ARHGEF28: variants seen among roughly 807,000 people sequenced by gnomAD.
ARHGEF28 encodes the protein 190 kDa guanine nucleotide exchange factor.
Under a neutral mutation model 206.6 loss-of-function variants are expected in ARHGEF28, and 152 were observed. The observed-to-expected ratio is 0.74, with a 90% CI of 0.64 to 0.84. ARHGEF28 has a LOEUF of 0.84. Among genes scored for constraint, ARHGEF28 ranks in the 40% least tolerant of loss-of-function variants. ARHGEF28 has a pLI of 0.00. For missense variants in ARHGEF28, 2,028 were observed against 2,073.2 expected (o/e 0.98, Z 0.42); for synonymous variants, 763 against 776.4 (o/e 0.98, Z 0.29).
chr5:73,654,569 G>A (rs1407535095), intron 1 of ARHGEF28, among the ~76,000 whole-genome samples: 2 of 152,194 alleles, frequency 1.3e-5, no homozygotes, highest in African/African-American at 4.8e-5. Flanking sequence ...CAGTAAACAC[G>A]GAACCAGAAA....
chr5:73,741,341 A>ATGTGTGTG (rs369851573), intron 2 of ARHGEF28, among the ~76,000 whole-genome samples: 34 of 66,162 alleles, frequency 5.1e-4, no homozygotes, highest in African/African-American at 1.4e-3. Context: ...TTAAATTTAT[A>ATGTGTGTG]TGTGTGTGTG....
intron 1 of ARHGEF28, among the ~76,000 whole-genome samples, chr5:73,676,261 G>A (rs78901747): frequency 6.8e-6 from 1 of 147,490 alleles, no homozygotes. Context: ...TTTAGGCAGA[G>A]TTTTGCTCTT....
intron 10 of ARHGEF28, among the ~76,000 whole-genome samples, chr5:73,833,355 CTT>C (rs33977905): frequency 1.8e-4 from 27 of 150,948 alleles, no homozygotes; most frequent in East Asian, 7.8e-4. Flanking sequence ...GTGATCTAAA[CTT>C]TTTTTTTTTC....
intron 2 of ARHGEF28, among the ~76,000 whole-genome samples, chr5:73,730,886 C>A (rs1241471577): frequency 6.6e-6 from 1 of 151,586 alleles, no homozygotes; most frequent in Non-Finnish European, 1.5e-5. Flanking sequence ...TGTGTTGAGT[C>A]TTTAATTAAA....
intron 16 of ARHGEF28, among the ~76,000 whole-genome samples, chr5:73,859,697 G>A (rs1457589287): frequency 6.6e-6 from 1 of 152,128 alleles, no homozygotes; most frequent in African/African-American, 2.4e-5. Context: ...TCGTTTATGG[G>A]TTGTTTCTGG....
At chr5:73,882,798 T>A (rs1251830247) in intron 23 of ARHGEF28, among the ~76,000 whole-genome samples, 1 of 152,178 alleles carries the variant, frequency 6.6e-6, no homozygotes, top group Non-Finnish European at 1.5e-5. Context: ...TCCTTTTGTA[T>A]ATTTGTGAGG....
intron 29 of ARHGEF28, 124 bp downstream of exon 29, chr5:73,894,699 C>T (rs773312862): frequency 9.7e-5 from 113 of 1,159,730 alleles, no homozygotes; most frequent in Admixed American, 5.6e-4. Flanking sequence ...GGTCCTTACT[C>T]GGCTGGAACT....
intron 2 of ARHGEF28, among the ~76,000 whole-genome samples, chr5:73,719,662 A>G (rs1749809584): frequency 1.3e-5 from 2 of 152,254 alleles, no homozygotes; most frequent in Admixed American, 6.5e-5. Context: ...ATGAGAAAGA[A>G]AAAAAGATGC....
intron 2 of ARHGEF28, among the ~76,000 whole-genome samples, chr5:73,687,008 T>C (rs1349466839): frequency 6.6e-6 from 1 of 152,212 alleles, no homozygotes; most frequent in Non-Finnish European, 1.5e-5. Flanking sequence ...AAAATTGAGA[T>C]GCTCTTACAT....
At chr5:73,807,651 A>AT (rs1453146033) in intron 9 of ARHGEF28, among the ~76,000 whole-genome samples, 1 of 151,596 alleles carries the variant, frequency 6.6e-6, no homozygotes, top group African/African-American at 2.4e-5. Flanking sequence ...TGCCCAGCTA[A>AT]TTTTTTGTAT....
intron 2 of ARHGEF28, among the ~76,000 whole-genome samples, chr5:73,735,814 C>A (rs973900856): frequency 5.3e-5 from 8 of 152,174 alleles, no homozygotes; most frequent in Non-Finnish European, 1.0e-4. Context: ...CACAGCCTGG[C>A]GATAATAAAC....
Position 73,766,791 on chromosome 5 carries a change from A to T in ARHGEF28, c.476-7064A>T, listed in dbSNP as rs368345333. 4.1e-4 allele frequency among the ~76,000 whole-genome samples: 62 copies of T among 152,390 alleles called. 1 individual carries two copies. In the East Asian group the frequency reaches 9.6e-3, roughly 24 times the overall value. On this transcript the variant is annotated intron_variant, in intron 4 of 35. Coordinates refer to ENST00000513042, the MANE Select transcript of ARHGEF28 (RefSeq NM_001177693.2). The stretch of plus-strand genomic sequence containing the variant: ...CACCATTTTTGGAAAACACAGCAGC[A>T]TTATCTAATACATTTAGAGAAACTA...
At chr5:73,713,040 G>A (rs1749346193) in intron 2 of ARHGEF28, among the ~76,000 whole-genome samples, 1 of 151,906 alleles carries the variant, frequency 6.6e-6, no homozygotes, top group African/African-American at 2.4e-5. Flanking sequence ...TTGCAGATGG[G>A]GTAAATTCAC....
chr5:73,811,980 CAAAAA>C (rs11337063), intron 9 of ARHGEF28, among the ~76,000 whole-genome samples: 3 of 114,496 alleles, frequency 2.6e-5, no homozygotes, highest in Non-Finnish European at 5.5e-5. Context: ...GAGCCTGTCT[CAAAAA>C]AAAAAAAAAA....
chr5:73,830,289 C>T (rs1162592977), intron 9 of ARHGEF28, among the ~76,000 whole-genome samples: 2 of 152,128 alleles, frequency 1.3e-5, no homozygotes, highest in African/African-American at 2.4e-5. Context: ...CGTGGTGGCT[C>T]ATGCCTGTAA....
At chr5:73,810,683 C>T (rs1171514509) in intron 9 of ARHGEF28, among the ~76,000 whole-genome samples, 1 of 152,158 alleles carries the variant, frequency 6.6e-6, no homozygotes, top group Non-Finnish European at 1.5e-5. Context: ...ATTGATTCAA[C>T]ACATCTGGGA....
At chr5:73,652,561 G>T (rs192990182) in intron 1 of ARHGEF28, among the ~76,000 whole-genome samples, 1 of 152,330 alleles carries the variant, frequency 6.6e-6, no homozygotes, top group African/African-American at 2.4e-5. Context: ...CCAAACAGTT[G>T]AGAAGCATAA....
intron 9 of ARHGEF28, among the ~76,000 whole-genome samples, chr5:73,802,143 G>A (rs978110425): frequency 1.3e-5 from 2 of 152,180 alleles, no homozygotes; most frequent in Non-Finnish European, 2.9e-5. Context: ...CAGATCTGTG[G>A]GAAATAGGCA....
intron 9 of ARHGEF28, among the ~76,000 whole-genome samples, chr5:73,809,457 T>G (rs960135116): frequency 1.3e-5 from 2 of 152,168 alleles, no homozygotes; most frequent in African/African-American, 4.8e-5. Flanking sequence ...GACGGAGCCA[T>G]TATTTGAACC....
Sources: gnomAD v4.1 joint callset for allele counts (sites outside exome capture counted in the v4.1 genomes callset) on GRCh38, gnomAD v4.1.1 for gene constraint, MANE v1.5 for transcripts, NCBI Gene and HGNC (gene_info 2026-07-23, HGNC 2026-07-21) for gene names.